Variants in ZNF365 observed in about 807,000 individuals in gnomAD.
ZNF365 encodes zinc finger protein 365.
A neutral mutation model predicts 35.0 loss-of-function variants in ZNF365; 22 were observed. The observed-to-expected ratio is 0.63, with a 90% CI of 0.45 to 0.90. The LOEUF (loss-of-function observed/expected upper bound fraction) is 0.90, where lower values mean the gene tolerates loss of function less well. Ranked by LOEUF, ZNF365 falls within the 40% of genes least tolerant of loss-of-function variation. ZNF365 has a pLI of 0.00. For missense variants in ZNF365, 448 were observed against 500.3 expected, an observed-to-expected ratio of 0.90 and a Z score of 1.00; for synonymous variants, 188 against 196.2, an observed-to-expected ratio of 0.96 and a Z score of 0.35.
intron 3 of ZNF365, among the ~76,000 whole-genome samples, chr10:62,428,234 CT>C (rs1840278985): frequency 6.6e-6 from 1 of 152,136 alleles, no homozygotes; most frequent in Non-Finnish European, 1.5e-5. Context: ...ACCTCATGCC[CT>C]ATCTTTCCAG....
At chr10:62,392,065 A>C (rs1360477512) in intron 3 of ZNF365, among the ~76,000 whole-genome samples, 1 of 151,994 alleles carries the variant, frequency 6.6e-6, no homozygotes, top group East Asian at 1.9e-4. Flanking sequence ...AGAACTATCT[A>C]TTCCTGTCCT....
chr10:62,478,758 T>C (rs1250871090), intron 4 of ZNF365, among the ~76,000 whole-genome samples: 2 of 152,252 alleles, frequency 1.3e-5, no homozygotes, highest in East Asian at 3.9e-4. Context: ...GTATTTTTAG[T>C]AGAGACGGGG....
intron 4 of ZNF365, among the ~76,000 whole-genome samples, chr10:62,473,897 A>G (rs1263422051): frequency 6.6e-6 from 1 of 152,186 alleles, no homozygotes; most frequent in Middle Eastern, 3.2e-3. Context: ...ACCAAGGATG[A>G]AGGTTCCTTC....
chr10:62,440,339 C>T (rs6479811), intron 3 of ZNF365, among the ~76,000 whole-genome samples: 151,880 of 152,018 alleles, frequency 1, 75,871 homozygotes, highest in East Asian at 1. Context: ...CTACATATTA[C>T]TTTATCACCC....
At chr10:62,447,682 G>A (rs927332357) in intron 3 of ZNF365, among the ~76,000 whole-genome samples, 1 of 152,324 alleles carries the variant, frequency 6.6e-6, no homozygotes, top group East Asian at 1.9e-4. Flanking sequence ...GTGTGCTCCA[G>A]TACTTGTCTG....
chr10:62,468,807 G>A (rs1840985925), intron 4 of ZNF365, among the ~76,000 whole-genome samples: 1 of 152,192 alleles, frequency 6.6e-6, no homozygotes, highest in Non-Finnish European at 1.5e-5. Context: ...TCTCAGTTCA[G>A]CTTACACAAT....
rs142449366 is a variant in ZNF365 at position 62,392,203 on chromosome 10, A to G, written c.924+3627A>G. ...TTCTCCCACTCTGTGGGTTGTCTGT[A>G]TACTCTGCTGATTATTTCTTTTGCT... On this transcript the variant is annotated intron_variant, in intron 3 of 4. Coordinates refer to ENST00000395254, the MANE Select transcript of ZNF365 (RefSeq NM_014951.3). Among the ~76,000 whole-genome samples, 436 of 151,938 alleles carry G rather than the reference A, an allele frequency of 2.9e-3. 1 individual carries two copies. The highest frequency in any genetic ancestry group is 9.9e-3 in the African/African-American group (410 of 41,456).
At chr10:62,387,350 A>T (rs1456009067) in intron 2 of ZNF365, among the ~76,000 whole-genome samples, 1 of 152,164 alleles carries the variant, frequency 6.6e-6, no homozygotes, top group Non-Finnish European at 1.5e-5. Flanking sequence ...GAGGATGGCT[A>T]CCAAGATAAT....
intron 4 of ZNF365, among the ~76,000 whole-genome samples, chr10:62,464,193 A>G (rs1289024973): frequency 6.6e-6 from 1 of 152,164 alleles, no homozygotes; most frequent in African/African-American, 2.4e-5. Flanking sequence ...TCAAGTTCCT[A>G]TGCAATTCAT....
chr10:62,401,723 C>G lies in ZNF365; in HGVS notation c.*1934C>G, dbSNP rs1839832776. 1 of 985,250 alleles carries G rather than the reference C, an allele frequency of 1.0e-6. No homozygotes were observed. Among genetic ancestry groups the G allele is most frequent in the Admixed American group, 6.2e-5 (1 of 16,250 alleles). The allele number at this position is 985,250 out of a possible 1,614,324, so 61.0% of individuals were successfully genotyped here. On this transcript the variant is annotated 3_prime_UTR_variant, in exon 5 of 5. Transcript: ENST00000395254. ...GTTAGTTGTATTGCATGCTCTTTGT[C>G]CTGTAATGTGTGTGCAATGACAACT...
intron 1 of ZNF365, among the ~76,000 whole-genome samples, chr10:62,374,957 A>G (rs1839291495): frequency 6.6e-6 from 1 of 152,132 alleles, no homozygotes; most frequent in Non-Finnish European, 1.5e-5. Context: ...CGGTGTACCC[A>G]TCACAGGAAG....
intron 4 of ZNF365, among the ~76,000 whole-genome samples, chr10:62,474,171 C>T (rs954466067): frequency 3.9e-5 from 6 of 152,214 alleles, no homozygotes; most frequent in Non-Finnish European, 7.3e-5. Flanking sequence ...CCATGCTTAA[C>T]CAATTATTGG....
intron 3 of ZNF365, among the ~76,000 whole-genome samples, chr10:62,423,346 C>G (rs953606998): frequency 6.6e-6 from 1 of 152,126 alleles, no homozygotes; most frequent in Non-Finnish European, 1.5e-5. Flanking sequence ...CAGCATTTCT[C>G]AAGCTTATTT....
intron 1 of ZNF365, chr10:62,375,970 A>G (rs1839318293): frequency 5.5e-6 from 3 of 546,402 alleles, no homozygotes; most frequent in Non-Finnish European, 9.7e-6. Flanking sequence ...ACAATAAATA[A>G]TACAGAAATT....
intron 4 of ZNF365, among the ~76,000 whole-genome samples, chr10:62,478,436 C>T (rs2132497478): frequency 6.6e-6 from 1 of 152,316 alleles, no homozygotes; most frequent in African/African-American, 2.4e-5. Flanking sequence ...TATGGGAAGT[C>T]TTACTTTTAC....
At chr10:62,396,755 TTC>T (rs147517053) in intron 3 of ZNF365, among the ~76,000 whole-genome samples, 13 of 150,706 alleles carry the variant, frequency 8.6e-5, no homozygotes, top group Non-Finnish European at 1.3e-4. Context: ...CATGTATTTG[TTC>T]TCTCTCTCTC....
intron 3 of ZNF365, among the ~76,000 whole-genome samples, chr10:62,421,295 CT>C (rs1840164191): frequency 1.3e-5 from 2 of 152,162 alleles, no homozygotes; most frequent in African/African-American, 4.8e-5. Context: ...CAATTATGTA[CT>C]GCAAATCTGT....
At chr10:62,409,194 A>T (rs1006389087) in intron 3 of ZNF365, among the ~76,000 whole-genome samples, 1 of 152,136 alleles carries the variant, frequency 6.6e-6, no homozygotes, top group Admixed American at 6.5e-5. Context: ...ATGTGTATAA[A>T]ATCCTGTCTG....
downstream of ZNF365, among the ~76,000 whole-genome samples, chr10:62,406,286 T>C (rs1322065399): frequency 6.6e-6 from 1 of 152,182 alleles, no homozygotes; most frequent in Non-Finnish European, 1.5e-5. Context: ...AGTTAATTTC[T>C]GTTCAGCCTT....
Sources: gnomAD v4.1 joint callset for allele counts (sites outside exome capture counted in the v4.1 genomes callset) on GRCh38, gnomAD v4.1.1 for gene constraint, MANE v1.5 for transcripts, NCBI Gene and HGNC (gene_info 2026-07-23, HGNC 2026-07-21) for gene names.